PCLO: variants seen among roughly 807,000 people sequenced by gnomAD.
PCLO encodes the protein protein piccolo.
PCLO carries 82 observed loss-of-function variants against 427.5 expected under a neutral mutation model. That is an observed-to-expected ratio of 0.19 (90% CI 0.16 to 0.23). PCLO has a LOEUF of 0.23. Among genes scored for constraint, PCLO ranks in the 10% least tolerant of loss-of-function variants. The pLI, the probability that PCLO is intolerant of heterozygous loss-of-function variation, is 1.00. For synonymous variants in PCLO, 2,357 were observed against 2,155.4 expected, an observed-to-expected ratio of 1.09 and a Z score of -2.59; for missense variants, 6,239 against 6,115.9, an observed-to-expected ratio of 1.02 and a Z score of -0.67.
At chr7:82,941,859 A>C (rs1795094617) in intron 6 of PCLO, among the ~76,000 whole-genome samples, 1 of 152,214 alleles carries the variant, frequency 6.6e-6, no homozygotes, top group African/African-American at 2.4e-5. Flanking sequence ...CTAAATAATT[A>C]GTAATGTTTA....
At chr7:83,090,033 A>G (rs1790338264) in intron 3 of PCLO, among the ~76,000 whole-genome samples, 2 of 152,286 alleles carry the variant, frequency 1.3e-5, no homozygotes, top group South Asian at 2.1e-4. Flanking sequence ...GGCCAGGCAC[A>G]GTGGCTCAAA....
intron 3 of PCLO, among the ~76,000 whole-genome samples, chr7:83,042,139 TTAA>T (rs1231476860): frequency 6.6e-6 from 1 of 152,116 alleles, no homozygotes; most frequent in Non-Finnish European, 1.5e-5. Context: ...TTAGACAAGG[TTAA>T]TAATATTATT....
intron 6 of PCLO, among the ~76,000 whole-genome samples, chr7:82,922,459 C>T (rs1021745004): frequency 6.6e-6 from 1 of 151,926 alleles, no homozygotes; most frequent in African/African-American, 2.4e-5. Flanking sequence ...GAGCTGAAGG[C>T]CATTATCCTA....
Position 82,950,337 on chromosome 7 carries a change from A to C in PCLO, c.10251T>G (p.Ala3417=). The C allele has an allele frequency of 6.2e-7, 1 of 1,613,626 alleles. No individual in the cohort carries two copies. The highest frequency in any genetic ancestry group is 8.5e-7 in the Non-Finnish European group (1 of 1,179,820). Residue 3417 remains alanine, a synonymous_variant, in exon 6 of 25, where the codon GCT becomes GCG. Transcript: ENST00000333891. ...TGTCATCATACTGTCCTCGGACTTT[A>C]GCTCCAGAACTTCTCTTTTTGGGTT... The part of the protein sequence containing the change: ...EKQPKKRSSG[A]KVRGQYDDMG...
intron 3 of PCLO, among the ~76,000 whole-genome samples, chr7:83,095,677 T>C (rs1790516338): frequency 6.6e-6 from 1 of 152,066 alleles, no homozygotes; most frequent in Admixed American, 6.6e-5. Context: ...GCCTTTTTTG[T>C]TAACTCATGG....
chr7:82,880,480 G>A (rs1015712069), intron 9 of PCLO: 3 of 314,632 alleles, frequency 9.5e-6, no homozygotes, highest in African/African-American at 4.3e-5. Flanking sequence ...CTAAGCTGAA[G>A]CAATCCTCCT....
intron 10 of PCLO, among the ~76,000 whole-genome samples, chr7:82,851,562 T>C (rs1487214085): frequency 6.6e-6 from 1 of 152,012 alleles, no homozygotes; most frequent in East Asian, 1.9e-4. Context: ...AATGAATGTG[T>C]TAATAAATGA....
intron 10 of PCLO, among the ~76,000 whole-genome samples, chr7:82,868,402 C>T (rs1472589455): frequency 6.6e-6 from 1 of 152,178 alleles, no homozygotes; most frequent in African/African-American, 2.4e-5. Context: ...CTAATTTCAT[C>T]CTTACTTCAA....
intron 3 of PCLO, among the ~76,000 whole-genome samples, chr7:82,999,172 A>C (rs967569007): frequency 8.9e-5 from 13 of 146,790 alleles, no homozygotes; most frequent in East Asian, 5.9e-4. Context: ...AAAAAAAAAA[A>C]CAACAGAATA....
intron 3 of PCLO, among the ~76,000 whole-genome samples, chr7:83,116,590 T>G (rs1791139522): frequency 6.6e-6 from 1 of 152,206 alleles, no homozygotes; most frequent in Non-Finnish European, 1.5e-5. Context: ...TGACTACATC[T>G]AGGTAACTAA....
rs549171022 is a variant in PCLO at position 82,965,994 on chromosome 7, A to C, written c.3794T>G (p.Leu1265Arg). 33 of 1,613,718 alleles carry C rather than the reference A, an allele frequency of 2.0e-5. No individual in the cohort carries two copies. The South Asian group carries it at 3.2e-4, about 16-fold the overall frequency. The change falls in exon 4 of 25, where the codon CTT becomes CGT. Residue 1265 changes from leucine (L) to arginine (R), a missense_variant. Physicochemically the swap from Leu to Arg is moderately radical, Grantham distance 102 (BLOSUM62 -2). This residue lies in a region of PCLO where 4,677 missense variants were observed against 4,468.4 expected (regional missense o/e 1.05). Transcript: ENST00000333891. ...SAPEEQKHDL[L>R]KSQVQIAEEK... The stretch of plus-strand genomic sequence containing the variant: ...TTCAGCAATTTGTACTTGAGATTTA[A>C]GTAAGTCATGTTTCTGTTCTTCTGG...
chr7:83,078,174 A>G (rs1790003947), intron 3 of PCLO, among the ~76,000 whole-genome samples: 1 of 152,152 alleles, frequency 6.6e-6, no homozygotes, highest in Non-Finnish European at 1.5e-5. Context: ...TGTACCTATC[A>G]CTGTCATCCT....
chr7:82,965,005 T>C (rs1795731905), intron 4 of PCLO, among the ~76,000 whole-genome samples: 1 of 152,176 alleles, frequency 6.6e-6, no homozygotes, highest in Non-Finnish European at 1.5e-5. Context: ...CAATTAAGTA[T>C]AATGTAAGAT....
intron 3 of PCLO, among the ~76,000 whole-genome samples, chr7:82,998,593 G>T (rs1422120518): frequency 6.6e-6 from 1 of 151,860 alleles, no homozygotes; most frequent in Non-Finnish European, 1.5e-5. Flanking sequence ...ATAAAGGAGA[G>T]AATGTGGACT....
intron 6 of PCLO, among the ~76,000 whole-genome samples, chr7:82,938,805 C>A (rs1795014708): frequency 6.6e-6 from 1 of 151,802 alleles, no homozygotes. Context: ...TTTCCTTTTT[C>A]AAAGGGCAAA....
intron 2 of PCLO, among the ~76,000 whole-genome samples, chr7:83,145,594 T>TA (rs2116652038): frequency 6.6e-6 from 1 of 152,304 alleles, no homozygotes; most frequent in East Asian, 1.9e-4. Context: ...TTTAAATTCT[T>TA]AACCCCAGTT....
intron 4 of PCLO, among the ~76,000 whole-genome samples, chr7:82,957,376 C>T (rs1795551073): frequency 6.6e-6 from 1 of 151,920 alleles, no homozygotes; most frequent in African/African-American, 2.4e-5. Context: ...GGCTTTGTGC[C>T]TGGCTGCAAG....
intron 3 of PCLO, among the ~76,000 whole-genome samples, chr7:83,085,680 T>C (rs1293323531): frequency 6.6e-6 from 1 of 152,178 alleles, no homozygotes. Flanking sequence ...AGTTTCCTTT[T>C]TAAAAAATGA....
chr7:82,879,229 G>C, intron 10 of PCLO, 108 bp downstream of exon 10: 1 of 878,678 alleles, frequency 1.1e-6, no homozygotes, highest in Non-Finnish European at 1.7e-6. Flanking sequence ...ACCATAAGGA[G>C]AGAGGTTTAC....
Sources: allele counts gnomAD v4.1 joint callset (sites outside exome capture counted in the v4.1 genomes callset), GRCh38; gene constraint gnomAD v4.1.1; regional missense constraint gnomAD v4.1.1; transcripts MANE v1.5; gene names NCBI Gene and HGNC (gene_info 2026-07-23, HGNC 2026-07-21).